Variants in R3HCC1L observed in about 807,000 individuals in gnomAD.
R3HCC1L encodes the protein R3H domain and coiled-coil containing 1 like, also known as coiled-coil domain-containing protein R3HCC1L.
R3HCC1L carries 51 observed loss-of-function variants against 59.9 expected under a neutral mutation model. That is an observed-to-expected ratio of 0.85 (90% confidence interval 0.68 to 1.07). The LOEUF (loss-of-function observed/expected upper bound fraction) is 1.07, where lower values mean the gene tolerates loss of function less well. Among genes scored for constraint, R3HCC1L ranks in the 50% least tolerant of loss-of-function variants. R3HCC1L has a pLI of 0.00. For synonymous variants in R3HCC1L, 322 were observed against 315.2 expected, an observed-to-expected ratio of 1.02 and a Z score of -0.23; for missense variants, 965 against 933.0, an observed-to-expected ratio of 1.03 and a Z score of -0.45.
chr10:98,209,754 A>T lies in R3HCC1L; in HGVS notation c.1640A>T (p.Asp547Val), dbSNP rs768744727. The change falls in exon 5 of 10, where the codon GAT becomes GTT. Residue 547 changes from aspartate to valine, a missense_variant. Asp to Val is a radical substitution (Grantham distance 152, BLOSUM62 -3). Coordinates refer to ENST00000298999, the MANE Select transcript of R3HCC1L (RefSeq NM_001351015.2). ...ATAGAATTTGGTGTATCTTTTCCTG[A>T]TAGGGAATCATCATCTATGGAAACA... ...GSIEFGVSFP[D>V]RESSSMETSI... is the part of the protein sequence containing the mutation. 14 of 1,613,910 alleles carry T rather than the reference A, an allele frequency of 8.7e-6. No homozygotes were observed. In the East Asian group the frequency reaches 8.9e-5, roughly 10 times the overall value.
chr10:98,224,502 G>C (rs1855440643), intron 5 of R3HCC1L, among the ~76,000 whole-genome samples: 1 of 152,130 alleles, frequency 6.6e-6, no homozygotes, highest in African/African-American at 2.4e-5. Context: ...TTCAAGACCA[G>C]ACTGCTAGGC....
At chr10:98,194,359 A>G (rs1326996747) in intron 4 of R3HCC1L, among the ~76,000 whole-genome samples, 2 of 152,010 alleles carry the variant, frequency 1.3e-5, no homozygotes, top group Admixed American at 6.6e-5. Context: ...AGAAAAAAAC[A>G]GGGGAAAAGC....
chr10:98,161,607 T>G (rs942655321), intron 2 of R3HCC1L, among the ~76,000 whole-genome samples: 1 of 152,196 alleles, frequency 6.6e-6, no homozygotes, highest in Non-Finnish European at 1.5e-5. Context: ...CTAATACTTC[T>G]GTAGTTTTAG....
intron 5 of R3HCC1L, among the ~76,000 whole-genome samples, chr10:98,213,014 C>T (rs1227802213): frequency 6.6e-6 from 1 of 152,130 alleles, no homozygotes; most frequent in Admixed American, 6.6e-5. Context: ...CATCTTACTT[C>T]TCAGTGTGTG....
In R3HCC1L at chr10:98,217,963, A is replaced by T. The variant is rs371719075; in HGVS notation, c.1785+8064A>T. Among the ~76,000 whole-genome samples the T allele has an allele frequency of 3.3e-5, 5 of 152,130 alleles. No homozygotes were observed. The South Asian group carries it at 1.0e-3, about 32-fold the overall frequency. On this transcript the variant is annotated intron_variant, in intron 5 of 9. Transcript: ENST00000298999. ...ATAAGATCATTTCATCTTCAAAGAG[A>T]TACAGTTTGACTTCCTCTTTTCCAA...
chr10:98,136,552 G>A (rs1204626436), intron 1 of R3HCC1L, among the ~76,000 whole-genome samples: 1 of 152,102 alleles, frequency 6.6e-6, no homozygotes, highest in Non-Finnish European at 1.5e-5. Context: ...TTAATAATTT[G>A]TGTCCAGACG....
chr10:98,238,572 A>G (rs2135732401), intron 9 of R3HCC1L, among the ~76,000 whole-genome samples: 1 of 151,820 alleles, frequency 6.6e-6, no homozygotes, highest in African/African-American at 2.4e-5. Flanking sequence ...CAGTGATACC[A>G]TCTTGAGTTT....
chr10:98,182,831 G>C (rs963418473), intron 4 of R3HCC1L, among the ~76,000 whole-genome samples: 3 of 152,184 alleles, frequency 2.0e-5, no homozygotes, highest in African/African-American at 7.2e-5. Flanking sequence ...CCGTGGTTGT[G>C]GGACTTGCTG....
At chr10:98,174,866 T>C (rs1848849309) in intron 4 of R3HCC1L, 1 of 767,944 alleles carries the variant, frequency 1.3e-6, no homozygotes, top group Non-Finnish European at 1.6e-6. Context: ...TACATATTGA[T>C]GTTCGTAATG....
intron 2 of R3HCC1L, among the ~76,000 whole-genome samples, chr10:98,160,990 C>A (rs954270753): frequency 6.6e-6 from 1 of 152,200 alleles, no homozygotes; most frequent in Admixed American, 6.5e-5. Flanking sequence ...AGTGCTGCAA[C>A]TTTGTCCATA....
At chr10:98,154,316 C>G (rs899049883) in intron 1 of R3HCC1L, among the ~76,000 whole-genome samples, 2 of 151,612 alleles carry the variant, frequency 1.3e-5, no homozygotes, top group Non-Finnish European at 2.9e-5. Context: ...ATTTTATTAC[C>G]CTTTGTGGGC....
At chr10:98,230,507 T>C (rs770307676) in intron 5 of R3HCC1L, among the ~76,000 whole-genome samples, 1 of 152,220 alleles carries the variant, frequency 6.6e-6, no homozygotes, top group Non-Finnish European at 1.5e-5. Context: ...TCAATTTTGT[T>C]GATCTTTTCA....
chr10:98,202,195 T>C (rs1852127438), intron 4 of R3HCC1L, among the ~76,000 whole-genome samples: 1 of 152,092 alleles, frequency 6.6e-6, no homozygotes, highest in African/African-American at 2.4e-5. Flanking sequence ...AGTTGGAAAA[T>C]CATCTGTTTT....
chr10:98,147,649 C>G (rs538078991), intron 1 of R3HCC1L, among the ~76,000 whole-genome samples: 4 of 152,188 alleles, frequency 2.6e-5, no homozygotes, highest in Admixed American at 2.6e-4. Flanking sequence ...TTTCCAGCAC[C>G]ATTTGTTGAA....
chr10:98,179,923 T>G (rs566935259), intron 4 of R3HCC1L, among the ~76,000 whole-genome samples: 1 of 152,324 alleles, frequency 6.6e-6, no homozygotes, highest in South Asian at 2.1e-4. Context: ...CCATTTATCA[T>G]TTTTTATTGC....
intron 4 of R3HCC1L, among the ~76,000 whole-genome samples, chr10:98,199,535 T>A (rs1590674783): frequency 1.3e-5 from 2 of 152,042 alleles, no homozygotes; most frequent in East Asian, 3.8e-4. Context: ...ATGATAATTC[T>A]TTATAATTCT....
intron 5 of R3HCC1L, among the ~76,000 whole-genome samples, chr10:98,220,609 A>G (rs1020345717): frequency 7.7e-5 from 10 of 130,586 alleles, no homozygotes; most frequent in Admixed American, 6.9e-4. Context: ...ATTCCCACCT[A>G]TGAGTGAGAA....
At chr10:98,183,832 T>A (rs780979255) in intron 4 of R3HCC1L, among the ~76,000 whole-genome samples, 1 of 152,216 alleles carries the variant, frequency 6.6e-6, no homozygotes, top group Non-Finnish European at 1.5e-5. Context: ...CATCTGCGTA[T>A]GCATATTATC....
chr10:98,170,614 C>G (rs1176286151), intron 4 of R3HCC1L, among the ~76,000 whole-genome samples: 2 of 152,210 alleles, frequency 1.3e-5, no homozygotes, highest in African/African-American at 4.8e-5. Context: ...GCGTGAGCCA[C>G]TGTGCCTGGC....
Sources: allele counts gnomAD v4.1 joint callset (sites outside exome capture counted in the v4.1 genomes callset), GRCh38; gene constraint gnomAD v4.1.1; transcripts MANE v1.5; gene names NCBI Gene and HGNC (gene_info 2026-07-23, HGNC 2026-07-21).